WBP2NL: variants seen among roughly 807,000 people sequenced by gnomAD.
WBP2NL encodes WBP2 N-terminal like, also known as postacrosomal sheath WW domain-binding protein.
WBP2NL carries 27 observed loss-of-function variants against 23.3 expected under a neutral mutation model. The observed-to-expected ratio is 1.16, with a 90% CI of 0.85 to 1.60. The LOEUF (loss-of-function observed/expected upper bound fraction) is 1.60. Among genes scored for constraint, WBP2NL ranks in the 40% most tolerant of loss-of-function variants. The pLI, the probability that WBP2NL is intolerant of heterozygous loss-of-function variation, is 0.00. For synonymous variants in WBP2NL, 151 were observed against 145.9 expected, an observed-to-expected ratio of 1.03 and a Z score of -0.25; for missense variants, 370 against 389.5, an observed-to-expected ratio of 0.95 and a Z score of 0.42.
At chr22:42,057,903 T>TATATA (rs1926144358) in intron 8 of WBP2NL, among the ~76,000 whole-genome samples, 1 of 20,438 alleles carries the variant, frequency 4.9e-5, no homozygotes. Flanking sequence ...ATATATATAT[T>TATATA]TTTTTTTTTT....
intron 4 of WBP2NL, among the ~76,000 whole-genome samples, chr22:42,020,908 ATTTTTTTTTTTTT>A (rs1161784270): frequency 1.8e-4 from 2 of 11,230 alleles, no homozygotes; most frequent in Non-Finnish European, 2.7e-4. Context: ...ATATATATAT[ATTTTTTTTTTTTT>A]TTTTTTTTTT....
At chr22:42,020,503 A>T (rs1397703579) in intron 4 of WBP2NL, among the ~76,000 whole-genome samples, 2 of 152,148 alleles carry the variant, frequency 1.3e-5, no homozygotes, top group Non-Finnish European at 2.9e-5. Context: ...AGGAACACAA[A>T]GATTATTCAG....
chr22:42,017,217 G>A (rs567651272), intron 1 of WBP2NL, among the ~76,000 whole-genome samples: 2 of 152,138 alleles, frequency 1.3e-5, no homozygotes, highest in Non-Finnish European at 2.9e-5. Context: ...CATGGCTCAA[G>A]CAATCTTCCC....
chr22:42,004,583 A>G (rs1005082690), intron 1 of WBP2NL, among the ~76,000 whole-genome samples: 1 of 152,158 alleles, frequency 6.6e-6, no homozygotes, highest in African/African-American at 2.4e-5. Flanking sequence ...CCTGGGTGAC[A>G]GAGTGAGACC....
At chr22:42,022,524 G>T (rs1159713793) in intron 5 of WBP2NL, among the ~76,000 whole-genome samples, 168 bp downstream of exon 5, 2 of 152,262 alleles carry the variant, frequency 1.3e-5, no homozygotes, top group African/African-American at 2.4e-5. Flanking sequence ...CAGTGGCAAA[G>T]TCAGCAAGTG....
At chr22:41,999,887 T>G (rs921201662) in intron 1 of WBP2NL, among the ~76,000 whole-genome samples, 5 of 152,144 alleles carry the variant, frequency 3.3e-5, no homozygotes, top group Admixed American at 3.3e-4. Flanking sequence ...GCCCCTGAGC[T>G]CTCTACTGGA....
chr22:42,007,239 G>T (rs1229047324), intron 1 of WBP2NL, among the ~76,000 whole-genome samples: 3 of 151,914 alleles, frequency 2.0e-5, no homozygotes, highest in East Asian at 3.9e-4. Context: ...TTTGTTTGTG[G>T]TTTTTTTGGT....
rs1312677746 is a variant in WBP2NL, at chr22:42,027,802, T to G, written c.*621T>G. 5 of 395,930 alleles carry G rather than the reference T, an allele frequency of 1.3e-5. No individual in the cohort carries two copies. Among genetic ancestry groups the G allele is most frequent in the Non-Finnish European group, 2.2e-5 (5 of 225,018 alleles). 24.5% of individuals were successfully genotyped at this position (395,930 alleles called of 1,614,324 possible). A position where few individuals can be genotyped will look rare whatever the true frequency, so the allele number is the denominator to read the frequency against. On this transcript the variant is annotated 3_prime_UTR_variant, in exon 6 of 6. Transcript: ENST00000328823. ...AGATAGGCAACAGAATAGGAAAAAG[T>G]GATTTTCAACATATATATTAATTTA... is the stretch of plus-strand genomic sequence containing the variant.
Position 42,058,021 on chromosome 22 carries a change from G to A in WBP2NL, c.*274-269G>A, listed in dbSNP as rs940656954. On this transcript the variant is annotated intron_variant and NMD_transcript_variant, in intron 8 of 8. Coordinates refer to the WBP2NL transcript ENST00000436265. Reference sequence around the variant, plus strand: ...AACCTCCGCCTCCCAGGATCACGCTGTTCTCCTGCCTCAGCCTCCCGAGTG... The same window carrying A: ...AACCTCCGCCTCCCAGGATCACGCTATTCTCCTGCCTCAGCCTCCCGAGTG... 1.1e-4 allele frequency among the ~76,000 whole-genome samples: 15 copies of A among 139,590 alleles called. No individual in the cohort carries two copies. The East Asian group carries it at 3.4e-3, about 31-fold the overall frequency. 91.6% of individuals were successfully genotyped at this position (139,590 alleles called of 152,430 possible).
chr22:42,045,574 A>G (rs1271869294), intron 8 of WBP2NL, among the ~76,000 whole-genome samples: 4 of 152,258 alleles, frequency 2.6e-5, no homozygotes, highest in Non-Finnish European at 5.9e-5. Context: ...TACAAGGATT[A>G]TAAGGAATAT....
chr22:42,031,198 C>T (rs1924919840), downstream of WBP2NL: 1 of 152,212 alleles, frequency 6.6e-6, no homozygotes, highest in Non-Finnish European at 1.5e-5. Flanking sequence ...TTAGTTAGCT[C>T]CCACTGTCTG....
intron 1 of WBP2NL, among the ~76,000 whole-genome samples, chr22:42,006,533 G>A (rs1922273169): frequency 1.3e-5 from 2 of 152,176 alleles, no homozygotes; most frequent in African/African-American, 2.4e-5. Flanking sequence ...GCTCCCAGCC[G>A]GCTTTGTTTC....
At chr22:42,049,558 C>T (rs1044488781) in intron 8 of WBP2NL, among the ~76,000 whole-genome samples, 1 of 151,608 alleles carries the variant, frequency 6.6e-6, no homozygotes, top group Non-Finnish European at 1.5e-5. Flanking sequence ...GGCGTGGTGG[C>T]GGGCACCTGT....
intron 8 of WBP2NL, among the ~76,000 whole-genome samples, chr22:42,056,849 A>G (rs189000088): frequency 7.9e-5 from 12 of 152,270 alleles, no homozygotes; most frequent in Admixed American, 4.6e-4. Flanking sequence ...CTTTGTGACA[A>G]ACAATCCAAT....
In WBP2NL at chr22:42,028,190, C is replaced by T; in HGVS notation, c.*1009C>T. On this transcript the variant is annotated 3_prime_UTR_variant, in exon 6 of 6. Coordinates refer to ENST00000328823, the MANE Select transcript of WBP2NL (RefSeq NM_152613.3). Reference sequence around the variant, plus strand: ...ATGAATAGGCTATGGTATGCCCATACTACGTATGCAGAAATTTCTAAGACT... The same window carrying T: ...ATGAATAGGCTATGGTATGCCCATATTACGTATGCAGAAATTTCTAAGACT... The T allele has an allele frequency of 2.5e-6, 1 of 397,770 alleles. No homozygotes were observed. The highest frequency in any genetic ancestry group is 4.4e-6 in the Non-Finnish European group (1 of 225,752). 24.6% of individuals were successfully genotyped at this position (397,770 alleles called of 1,614,324 possible).
chr22:42,040,073 G>A (rs561910637), intron 8 of WBP2NL, among the ~76,000 whole-genome samples: 3 of 150,852 alleles, frequency 2.0e-5, no homozygotes, highest in African/African-American at 7.3e-5. Flanking sequence ...CACCATACCC[G>A]GCTAATTTTT....
At chr22:42,045,458 C>CA in intron 8 of WBP2NL, among the ~76,000 whole-genome samples, 1 of 151,928 alleles carries the variant, frequency 6.6e-6, no homozygotes, top group Non-Finnish European at 1.5e-5. Flanking sequence ...AACAAACAAA[C>CA]AAAAAACAGC....
At chr22:42,024,943 C>T (rs1025324331) in intron 5 of WBP2NL, among the ~76,000 whole-genome samples, 1 of 151,904 alleles carries the variant, frequency 6.6e-6, no homozygotes, top group Non-Finnish European at 1.5e-5. Flanking sequence ...GCTGGGACTG[C>T]GGGTGTGTGC....
intron 5 of WBP2NL, among the ~76,000 whole-genome samples, chr22:42,025,258 T>C (rs1025775447): frequency 3.9e-5 from 6 of 152,256 alleles, no homozygotes; most frequent in Non-Finnish European, 5.9e-5. Context: ...TTAGCTCTTA[T>C]ATCAAGCTTG....
Sources: allele counts gnomAD v4.1 joint callset (sites outside exome capture counted in the v4.1 genomes callset), GRCh38; gene constraint gnomAD v4.1.1; transcripts MANE v1.5; gene names NCBI Gene and HGNC (gene_info 2026-07-23, HGNC 2026-07-21).